GNG7: variants seen among roughly 807,000 people sequenced by gnomAD.
GNG7 encodes the protein guanine nucleotide-binding protein G(I)/G(S)/G(O) subunit gamma-7.
A neutral mutation model predicts 4.0 loss-of-function variants in GNG7; 1 was observed. That is an observed-to-expected ratio of 0.25 (90% CI 0.09 to 1.18). The LOEUF (loss-of-function observed/expected upper bound fraction) is 1.18. Among genes scored for constraint, GNG7 ranks in the 50% most tolerant of loss-of-function variants. The pLI, the probability that GNG7 is intolerant of heterozygous loss-of-function variation, is 0.50. For missense variants in GNG7, 86 were observed against 91.9 expected (o/e 0.94, Z 0.26); for synonymous variants, 34 against 36.9 (o/e 0.92, Z 0.29).
rs151212403 is a variant in GNG7, at chr19:2,562,888, C to T, written c.-77-7700G>A. On this transcript the variant is annotated intron_variant, in intron 2 of 4. Coordinates refer to ENST00000382159, the MANE Select transcript of GNG7 (RefSeq NM_052847.3). ...CTCTGGTTTACACCATCGGCCCCATCGGGAGTTTATTCTGGTGTCCAGTGT... is the reference window on the plus strand; with the variant it reads ...CTCTGGTTTACACCATCGGCCCCATTGGGAGTTTATTCTGGTGTCCAGTGT... Among the ~76,000 whole-genome samples, 99 of 152,298 alleles carry T rather than the reference C, an allele frequency of 6.5e-4. 1 individual carries two copies. Among genetic ancestry groups the T allele is most frequent in the African/African-American group, 2.4e-3 (99 of 41,562 alleles).
At chr19:2,555,667 G>A (rs1979519023) in intron 2 of GNG7, among the ~76,000 whole-genome samples, 1 of 152,208 alleles carries the variant, frequency 6.6e-6, no homozygotes, top group Non-Finnish European at 1.5e-5. Flanking sequence ...ACCCCGAATG[G>A]AGGAAGTGAC....
At chr19:2,661,665 T>G (rs1983182184) in intron 1 of GNG7, among the ~76,000 whole-genome samples, 1 of 107,230 alleles carries the variant, frequency 9.3e-6, no homozygotes, top group Non-Finnish European at 1.8e-5. Context: ...AAAGTGAGAC[T>G]CCATTAAAAA....
At chr19:2,581,335 G>A (rs1052064774) in intron 2 of GNG7, among the ~76,000 whole-genome samples, 1 of 136,630 alleles carries the variant, frequency 7.3e-6, no homozygotes, top group African/African-American at 2.6e-5. Context: ...GGGGGTGGGG[G>A]GGTGGGGGGC....
At chr19:2,594,140 A>G (rs973295094) in intron 2 of GNG7, among the ~76,000 whole-genome samples, 3 of 151,830 alleles carry the variant, frequency 2.0e-5, no homozygotes, top group Non-Finnish European at 4.4e-5. Flanking sequence ...GGAGGCCAAG[A>G]CGGGCGGATC....
intron 1 of GNG7, among the ~76,000 whole-genome samples, chr19:2,648,528 A>T (rs67496808): frequency 0.21 from 31,396 of 150,500 alleles, 3,606 homozygotes; most frequent in East Asian, 0.5. Context: ...AAGTTCATTT[A>T]AAAAAAATGC....
chr19:2,700,439 A>G (rs1251718615), intron 1 of GNG7, among the ~76,000 whole-genome samples: 10 of 152,160 alleles, frequency 6.6e-5, no homozygotes, highest in Non-Finnish European at 1.5e-4. Context: ...CACCACAACC[A>G]GCCATGCAGG....
At chr19:2,629,349 G>A (rs528355659) in intron 2 of GNG7, among the ~76,000 whole-genome samples, 33 of 152,170 alleles carry the variant, frequency 2.2e-4, no homozygotes, top group Non-Finnish European at 3.2e-4. Context: ...GCGCTTGGTG[G>A]CTCTTCTGCA....
rs2144845846 is a variant in GNG7 at position 2,633,887 on chromosome 19, C to G, written c.-78+12337G>C. ...GGGCACTGCAGGGTGCTGAGTGGCA[C>G]CCCTGACCTCCACCCCATGGCATCC... On this transcript the variant is annotated intron_variant, in intron 2 of 4. Transcript: ENST00000382159. This position sits in a 1 kb window ranked among gnomAD's most constrained non-coding sequence, Gnocchi z 5.9. 6.6e-6 allele frequency among the ~76,000 whole-genome samples: 1 copy of G among 151,216 alleles called. No individual in the cohort carries two copies. Among genetic ancestry groups the G allele is most frequent in the South Asian group, 2.1e-4 (1 of 4,758 alleles).
At chr19:2,613,214 T>A (rs1367413283) in intron 2 of GNG7, among the ~76,000 whole-genome samples, 1 of 152,200 alleles carries the variant, frequency 6.6e-6, no homozygotes, top group Non-Finnish European at 1.5e-5. Flanking sequence ...AGTCTCTTGC[T>A]GAATTAGCAC....
intron 3 of GNG7, among the ~76,000 whole-genome samples, chr19:2,543,556 G>A (rs1979031397): frequency 6.6e-6 from 1 of 152,054 alleles, no homozygotes; most frequent in Non-Finnish European, 1.5e-5. Context: ...CCTGAGATGA[G>A]GGTGCAGCAT....
chr19:2,672,029 T>C (rs1368085229), intron 1 of GNG7, among the ~76,000 whole-genome samples: 1 of 109,170 alleles, frequency 9.2e-6, no homozygotes, highest in Non-Finnish European at 1.7e-5. Flanking sequence ...CCAGCCTGGG[T>C]GACAGAGTGA....
chr19:2,526,608 A>G (rs1363044093), intron 3 of GNG7, among the ~76,000 whole-genome samples: 1 of 137,378 alleles, frequency 7.3e-6, no homozygotes, highest in Non-Finnish European at 1.5e-5. Flanking sequence ...TATTACTAAT[A>G]TATAGTTTTA....
intron 1 of GNG7, among the ~76,000 whole-genome samples, chr19:2,689,703 G>A (rs116076210): frequency 1.6e-3 from 247 of 150,408 alleles, no homozygotes; most frequent in African/African-American, 5.7e-3. Flanking sequence ...ACAACACAGA[G>A]GCTGAAATGA....
intron 1 of GNG7, among the ~76,000 whole-genome samples, chr19:2,676,297 T>C (rs1251054108): frequency 2.6e-5 from 4 of 152,062 alleles, no homozygotes; most frequent in African/African-American, 9.7e-5. Flanking sequence ...CCCTCAAATA[T>C]CCAAACTTCA....
chr19:2,576,302 T>C (rs1980338159), intron 2 of GNG7, among the ~76,000 whole-genome samples: 1 of 152,224 alleles, frequency 6.6e-6, no homozygotes, highest in African/African-American at 2.4e-5. Context: ...GCCGGGTTGA[T>C]TCCAGCAGAA....
At chr19:2,570,409 G>A (rs1980110467) in intron 2 of GNG7, among the ~76,000 whole-genome samples, 1 of 152,164 alleles carries the variant, frequency 6.6e-6, no homozygotes. Flanking sequence ...GGCACGGGGA[G>A]ACACGCAGAG....
intron 1 of GNG7, among the ~76,000 whole-genome samples, chr19:2,674,112 A>G (rs1983535019): frequency 6.6e-6 from 1 of 152,112 alleles, no homozygotes; most frequent in Non-Finnish European, 1.5e-5. Flanking sequence ...AAAAATATAA[A>G]AACTAGCCAG....
At chr19:2,616,681 C>G (rs1418009086) in intron 2 of GNG7, among the ~76,000 whole-genome samples, 1 of 151,728 alleles carries the variant, frequency 6.6e-6, no homozygotes, top group Non-Finnish European at 1.5e-5. Flanking sequence ...GAGGCTGAGG[C>G]AGAATTGCTT....
chr19:2,572,382 T>C (rs997475727), intron 2 of GNG7, among the ~76,000 whole-genome samples: 22 of 152,210 alleles, frequency 1.4e-4, no homozygotes, highest in African/African-American at 4.8e-4. Context: ...AGCAAGTTTT[T>C]AATTCCTTCA....
Sources: allele counts gnomAD v4.1 joint callset (sites outside exome capture counted in the v4.1 genomes callset), GRCh38; gene constraint gnomAD v4.1.1; non-coding constraint Gnocchi (gnomAD v3.1); transcripts MANE v1.5; gene names NCBI Gene and HGNC (gene_info 2026-07-23, HGNC 2026-07-21).